Variants in KCNJ1 observed in about 807,000 individuals in gnomAD.
KCNJ1 encodes potassium inwardly rectifying channel subfamily J member 1.
KCNJ1 carries 24 observed loss-of-function variants against 21.9 expected under a neutral mutation model. The ratio of observed to expected loss-of-function variants is 1.10; its 90% CI spans 0.79 to 1.54. KCNJ1 has a LOEUF of 1.54. Ranked by LOEUF, KCNJ1 falls within the 40% of genes most tolerant of loss-of-function variation. The pLI is 0.00. For synonymous variants in KCNJ1, 152 were observed against 160.9 expected, an observed-to-expected ratio of 0.94 and a Z score of 0.42; for missense variants, 457 against 455.4, an observed-to-expected ratio of 1.00 and a Z score of -0.03.
rs369901110 is a variant in KCNJ1, at chr11:128,842,461, A to T, written c.-21-2197T>A. ...AGTGGTGCTGGTTGTTGGTCTTTCTATGCAGACTGATTTCTTTTAGACTCA... is the reference window on the plus strand; with the variant it reads ...AGTGGTGCTGGTTGTTGGTCTTTCTTTGCAGACTGATTTCTTTTAGACTCA... On this transcript the variant is annotated intron_variant, in intron 2 of 2. Transcript: ENST00000392666. 1.1e-3 allele frequency: 1,702 copies of T among 1,613,548 alleles called. 2 individuals are homozygous for T. The highest frequency in any genetic ancestry group is 1.3e-3 in the Non-Finnish European group (1,589 of 1,179,582).
chr11:128,863,304 A>T (rs1943752882), intron 1 of KCNJ1, among the ~76,000 whole-genome samples: 1 of 152,200 alleles, frequency 6.6e-6, no homozygotes, highest in Admixed American at 6.5e-5. Context: ...GACATTGGGA[A>T]ATTCTAAATA....
chr11:128,854,845 T>C (rs542379506), intron 1 of KCNJ1, among the ~76,000 whole-genome samples: 4 of 152,330 alleles, frequency 2.6e-5, no homozygotes, highest in African/African-American at 7.2e-5. Flanking sequence ...TTAAGTATCA[T>C]AGATGCACGA....
chr11:128,842,248 A>G (rs922600801), intron 2 of KCNJ1: 11 of 1,056,922 alleles, frequency 1.0e-5, no homozygotes, highest in Non-Finnish European at 1.4e-5. Context: ...TTAAAGGTAA[A>G]GAAGATTTCT....
chr11:128,863,751 C>G (rs1943759986), intron 1 of KCNJ1, among the ~76,000 whole-genome samples: 1 of 152,152 alleles, frequency 6.6e-6, no homozygotes, highest in Non-Finnish European at 1.5e-5. Flanking sequence ...AGAAGCAACT[C>G]CTTAGGGCAG....
rs1300269730 is a variant in KCNJ1, at chr11:128,838,481, G to T, written c.*644C>A. ...TTAAGCCATCCAATACAGATTGAAAGAAATATCATCACCACTTTTAACTAA... is the reference window on the plus strand; with the variant it reads ...TTAAGCCATCCAATACAGATTGAAATAAATATCATCACCACTTTTAACTAA... On this transcript the variant is annotated 3_prime_UTR_variant, in exon 3 of 3. Coordinates refer to ENST00000392666, the MANE Select transcript of KCNJ1 (RefSeq NM_153766.3). 7.2e-5 allele frequency: 11 copies of T among 153,474 alleles called. No individual in the cohort carries two copies. Among genetic ancestry groups the T allele is most frequent in the Non-Finnish European group, 1.4e-4 (10 of 69,032 alleles). The allele number at this position is 153,474 out of a possible 1,614,324, so 9.5% of individuals were successfully genotyped here. A position where few individuals can be genotyped will look rare whatever the true frequency, so the allele number is the denominator to read the frequency against.
rs772749753 is a variant in KCNJ1 at position 128,839,996 on chromosome 11, A to C, written c.248T>G (p.Val83Gly). ...CGGGAGGTCTTTGTGAATGTACGCT[A>C]CTGCATACCACAGGAGACCAAAGAA... ...WFFFGLLWYA[V>G]AYIHKDLPEF... is the part of the protein sequence containing the mutation. Residue 83 changes from valine to glycine, a missense_variant, in exon 3 of 3, where the codon GTA becomes GGA. Transcript: ENST00000392666. 1 of 1,614,100 alleles carries C rather than the reference A, an allele frequency of 6.2e-7. No homozygotes were observed. The highest frequency in any genetic ancestry group is 1.7e-5 in the Admixed American group (1 of 60,008).
At chr11:128,850,248 A>G (rs1369969593) in intron 2 of KCNJ1, among the ~76,000 whole-genome samples, 1 of 152,132 alleles carries the variant, frequency 6.6e-6, no homozygotes, top group Non-Finnish European at 1.5e-5. Context: ...AGACATTTAA[A>G]TGTCAGTTTC....
intron 1 of KCNJ1, among the ~76,000 whole-genome samples, chr11:128,855,110 T>C (rs1376308334): frequency 6.6e-6 from 1 of 152,180 alleles, no homozygotes; most frequent in Non-Finnish European, 1.5e-5. Context: ...CAAAAAATAG[T>C]TGCTAAGAAA....
intron 1 of KCNJ1, among the ~76,000 whole-genome samples, chr11:128,865,235 C>A (rs1390779062): frequency 6.6e-6 from 1 of 152,062 alleles, no homozygotes; most frequent in African/African-American, 2.4e-5. Context: ...GTATGATGTA[C>A]TTTTCTGTGC....
At chr11:128,861,169 C>T (rs895285069) in intron 1 of KCNJ1, among the ~76,000 whole-genome samples, 2 of 152,194 alleles carry the variant, frequency 1.3e-5, no homozygotes, top group Non-Finnish European at 2.9e-5. Flanking sequence ...TGGCTGTTGG[C>T]GTCCCTGGGG....
Position 128,838,906 on chromosome 11 carries a change from C to T in KCNJ1, c.*219G>A, listed in dbSNP as rs1943214504. 1.7e-6 allele frequency: 1 copy of T among 583,672 alleles called. No individual in the cohort carries two copies. The highest frequency in any genetic ancestry group is 2.1e-5 in the South Asian group (1 of 48,394). 36.2% of individuals were successfully genotyped at this position (583,672 alleles called of 1,614,324 possible). A position where few individuals can be genotyped will look rare whatever the true frequency, so the allele number is the denominator to read the frequency against. ...CAAGAGAGCACCTATGTCTTCCATA[C>T]ACCAGTTTCATATAAATGCATTGCA... On this transcript the variant is annotated 3_prime_UTR_variant, in exon 3 of 3. Transcript: ENST00000392666.
intron 1 of KCNJ1, among the ~76,000 whole-genome samples, chr11:128,852,252 A>G (rs929695647): frequency 6.6e-6 from 1 of 152,206 alleles, no homozygotes; most frequent in Non-Finnish European, 1.5e-5. Context: ...AGCTCCTGCC[A>G]TGCATTGAAT....
intron 1 of KCNJ1, among the ~76,000 whole-genome samples, chr11:128,852,671 C>A (rs1044731701): frequency 3.9e-5 from 6 of 152,280 alleles, no homozygotes; most frequent in African/African-American, 1.4e-4. Context: ...GCTCTTCTTG[C>A]TGGCATTTAG....
In KCNJ1 at chr11:128,839,360, T is replaced by C. The variant is rs757644888; in HGVS notation, c.884A>G (p.Tyr295Cys). The C allele has an allele frequency of 3.1e-6, 5 of 1,613,974 alleles. No individual in the cohort carries two copies. The highest frequency in any genetic ancestry group is 3.4e-6 in the Non-Finnish European group (4 of 1,179,988). The change falls in exon 3 of 3, where the codon TAT becomes TGT. Residue 295 changes from tyrosine (Y) to cysteine (C), a missense_variant. Transcript: ENST00000392666. Reference sequence around the variant, plus strand: ...GCCCCAAAGCACCTCCTCTGGGACATAGGATGTCCGGACTTGGCAGGTAGC... The same window carrying C: ...GCCCCAAAGCACCTCCTCTGGGACACAGGATGTCCGGACTTGGCAGGTAGC... ...TSATCQVRTS[Y>C]VPEEVLWGYR...
Position 128,850,228 on chromosome 11 carries a change from T to C in KCNJ1, c.-22+493A>G, listed in dbSNP as rs1591412910. On this transcript the variant is annotated intron_variant, in intron 2 of 2. Transcript: ENST00000392666. ...CTTCTTGACCTCAAGTTAAATGTCA[T>C]TTCTCAGAAAGACATTTAAATGTCA... Among the ~76,000 whole-genome samples the C allele has an allele frequency of 2.6e-5, 4 of 152,078 alleles. No individual in the cohort carries two copies. In the East Asian group the frequency reaches 7.7e-4, roughly 29 times the overall value.
At chr11:128,856,793 G>A (rs774481390) in intron 1 of KCNJ1, among the ~76,000 whole-genome samples, 3 of 151,888 alleles carry the variant, frequency 2.0e-5, no homozygotes, top group Non-Finnish European at 4.4e-5. Context: ...ATATAGTCAG[G>A]ACCTGTCTGT....
At chr11:128,860,065 C>G (rs71481824) in intron 1 of KCNJ1, among the ~76,000 whole-genome samples, 2,326 of 129,626 alleles carry the variant, frequency 0.018, 24 homozygotes, top group Middle Eastern at 0.036. Flanking sequence ...CAAGAGAGGT[C>G]GGCATTGATT....
intron 2 of KCNJ1, chr11:128,842,503 G>A: frequency 6.2e-7 from 1 of 1,608,186 alleles, no homozygotes; most frequent in South Asian, 1.1e-5. Flanking sequence ...TTTATTGTAG[G>A]CGACAGTCAG....
At position 128,838,291 on chromosome 11, in the gene KCNJ1, G is replaced by C. The variant is rs890261011; in HGVS notation, c.*834C>G. On this transcript the variant is annotated 3_prime_UTR_variant, in exon 3 of 3. Coordinates refer to ENST00000392666, the MANE Select transcript of KCNJ1 (RefSeq NM_153766.3). ...CTCTCTCTTTCCCACTTCTTCTTTA[G>C]AAATAGCATTCCAGTACAAACTCTA... 6 of 152,580 alleles carry C rather than the reference G, an allele frequency of 3.9e-5. No individual in the cohort carries two copies. Among genetic ancestry groups the C allele is most frequent in the African/African-American group, 1.2e-4 (5 of 41,438 alleles). The allele number at this position is 152,580 out of a possible 1,614,324, so 9.5% of individuals were successfully genotyped here. A position where few individuals can be genotyped will look rare whatever the true frequency, so the allele number is the denominator to read the frequency against.
Sources: allele counts gnomAD v4.1 joint callset (sites outside exome capture counted in the v4.1 genomes callset), GRCh38; gene constraint gnomAD v4.1.1; transcripts MANE v1.5; gene names NCBI Gene and HGNC (gene_info 2026-07-23, HGNC 2026-07-21).